Variants in GYPC observed in about 807,000 individuals in gnomAD.
The protein encoded by GYPC is glycophorin-C.
A neutral mutation model predicts 12.6 loss-of-function variants in GYPC; 14 were observed. The ratio of observed to expected loss-of-function variants is 1.11; its 90% CI spans 0.74 to 1.74. The LOEUF is 1.74. Among genes scored for constraint, GYPC ranks in the 40% most tolerant of loss-of-function variants. The probability of loss-of-function intolerance (pLI) is 0.00; values close to 1 mark genes in which losing one functional copy is unlikely to be tolerated. For synonymous variants in GYPC, 78 were observed against 62.1 expected, an observed-to-expected ratio of 1.26 and a Z score of -1.20; for missense variants, 225 against 172.1, an observed-to-expected ratio of 1.31 and a Z score of -1.72.
At chr2:126,695,506 A>C (rs1201212913) in intron 3 of GYPC, among the ~76,000 whole-genome samples, 1 of 152,210 alleles carries the variant, frequency 6.6e-6, no homozygotes, top group African/African-American at 2.4e-5. Context: ...TCCAGTGTAC[A>C]CGGTTCAACT....
At chr2:126,663,883 T>C (rs745808204) in intron 1 of GYPC, among the ~76,000 whole-genome samples, 3 of 151,980 alleles carry the variant, frequency 2.0e-5, no homozygotes, top group Non-Finnish European at 4.4e-5. Flanking sequence ...CTTTAGGCAG[T>C]CATTTCTCCT....
chr2:126,678,659 C>T (rs1573568163), intron 1 of GYPC: 1 of 152,648 alleles, frequency 6.6e-6, no homozygotes, highest in East Asian at 1.9e-4. Context: ...GCATCCTTCA[C>T]CACTGCATCT....
intron 1 of GYPC, among the ~76,000 whole-genome samples, chr2:126,677,017 C>G (rs1445872877): frequency 6.6e-6 from 1 of 152,206 alleles, no homozygotes; most frequent in Non-Finnish European, 1.5e-5. Context: ...GTACTCCCTG[C>G]CTGCCCCAGT....
chr2:126,688,123 T>C (rs111699832), intron 1 of GYPC, among the ~76,000 whole-genome samples: 115 of 152,342 alleles, frequency 7.5e-4, no homozygotes, highest in African/African-American at 2.6e-3. Flanking sequence ...ATACATTAAA[T>C]GTTGAGAGCA....
At chr2:126,673,539 C>T (rs1232584528) in intron 1 of GYPC, among the ~76,000 whole-genome samples, 1 of 152,090 alleles carries the variant, frequency 6.6e-6, no homozygotes, top group Non-Finnish European at 1.5e-5. Context: ...CCTGAGTGTT[C>T]CTAAATAAAT....
intron 1 of GYPC, among the ~76,000 whole-genome samples, chr2:126,671,306 C>T (rs1682847860): frequency 6.6e-6 from 1 of 152,220 alleles, no homozygotes; most frequent in Non-Finnish European, 1.5e-5. Flanking sequence ...CCTCACTGGG[C>T]AGGTGCCGGA....
chr2:126,693,219 G>T (rs949217117), intron 2 of GYPC, among the ~76,000 whole-genome samples: 1 of 152,240 alleles, frequency 6.6e-6, no homozygotes, highest in Admixed American at 6.5e-5. Context: ...GACTGGATTA[G>T]TCACTGGAGA....
At chr2:126,690,651 T>C (rs1002773919) in intron 2 of GYPC, among the ~76,000 whole-genome samples, 3 of 151,948 alleles carry the variant, frequency 2.0e-5, no homozygotes, top group African/African-American at 7.3e-5. Context: ...AGGTTGAGGG[T>C]GGAGGTGAGA....
intron 1 of GYPC, among the ~76,000 whole-genome samples, chr2:126,671,816 G>A (rs1682863366): frequency 6.6e-6 from 1 of 152,224 alleles, no homozygotes; most frequent in Non-Finnish European, 1.5e-5. Flanking sequence ...TACATCAGAT[G>A]GCACTAAGGG....
chr2:126,693,825 C>A lies in GYPC; in HGVS notation c.107-39C>A, dbSNP rs368196057. The A allele has an allele frequency of 1.4e-5, 19 of 1,381,554 alleles. No individual in the cohort carries two copies. The African/African-American group carries it at 2.6e-4, about 19-fold the overall frequency. 85.6% of individuals were successfully genotyped at this position (1,381,554 alleles called of 1,614,324 possible). On this transcript the variant is annotated intron_variant, in intron 2 of 3. Coordinates refer to ENST00000259254, the MANE Select transcript of GYPC (RefSeq NM_002101.5). ...CAAGGTGCTGCTAGGCATGGAGAAT[C>A]TTCCTCTCTGACCTCAGATTCTTGT...
intron 1 of GYPC, among the ~76,000 whole-genome samples, chr2:126,684,227 G>A (rs1212789684): frequency 6.6e-6 from 1 of 152,170 alleles, no homozygotes; most frequent in South Asian, 2.1e-4. Context: ...TTCTGAACAG[G>A]CTGGTCAAGT....
Position 126,690,262 on chromosome 2 carries a change from T to A in GYPC, c.57T>A (p.Asp19Glu). 1.9e-6 allele frequency: 3 copies of A among 1,612,476 alleles called. No homozygotes were observed. Among genetic ancestry groups the A allele is most frequent in the Non-Finnish European group, 2.5e-6 (3 of 1,178,486 alleles). ...CTTGTCCTCTGTTCACAGAGCCTGATCCGGGGATGGCCTCTGCCTCCACCA... is the reference window on the plus strand; with the variant it reads ...CTTGTCCTCTGTTCACAGAGCCTGAACCGGGGATGGCCTCTGCCTCCACCA... ...STAWPLSLEPDPGMASASTTM... is the reference protein window; with the variant it reads ...STAWPLSLEPEPGMASASTTM... The change falls in exon 2 of 4, where the codon GAT becomes GAA. Residue 19 changes from aspartate to glutamate, a missense_variant. Coordinates refer to ENST00000259254, the MANE Select transcript of GYPC (RefSeq NM_002101.5).
chr2:126,683,249 G>C (rs1333501168), intron 1 of GYPC, among the ~76,000 whole-genome samples: 1 of 152,128 alleles, frequency 6.6e-6, no homozygotes, highest in Non-Finnish European at 1.5e-5. Flanking sequence ...GAACCTGGGG[G>C]GCAGAGGTTG....
intron 1 of GYPC, among the ~76,000 whole-genome samples, chr2:126,689,084 C>A (rs1331410430): frequency 1.3e-5 from 2 of 152,196 alleles, no homozygotes; most frequent in East Asian, 3.9e-4. Context: ...TTGGCCAGGC[C>A]ATTAAGCTGT....
At chr2:126,670,429 C>A (rs1682816874) in intron 1 of GYPC, among the ~76,000 whole-genome samples, 1 of 152,242 alleles carries the variant, frequency 6.6e-6, no homozygotes, top group South Asian at 2.1e-4. Context: ...CTGCCATGAG[C>A]CAGTGAGGGT....
In GYPC at chr2:126,656,229, G is replaced by C; in HGVS notation, c.-35G>C. On this transcript the variant is annotated 5_prime_UTR_variant, in exon 1 of 4. Transcript: ENST00000259254. ...GGCCCGGCCTGGCCCGGCCTGGCCA[G>C]TCCCCGCGGTCTCTGCCCGGGCTGA... The C allele has an allele frequency of 6.3e-7, 1 of 1,587,204 alleles. No individual in the cohort carries two copies. The highest frequency in any genetic ancestry group is 8.6e-7 in the Non-Finnish European group (1 of 1,169,580).
At chr2:126,688,630 T>A (rs747415647) in intron 1 of GYPC, among the ~76,000 whole-genome samples, 2 of 152,158 alleles carry the variant, frequency 1.3e-5, no homozygotes, top group Non-Finnish European at 2.9e-5. Flanking sequence ...TCACTGGGTC[T>A]CTTGGCGGCC....
rs1296466486 is a variant in GYPC at position 126,696,491 on chromosome 2, G to C, written c.*349G>C. The stretch of plus-strand genomic sequence containing the variant: ...TTGTTGAGGGTGAGGGGGTGCTGGG[G>C]TACCCGGGGGCTGGGGAAGCAAGGA... On this transcript the variant is annotated 3_prime_UTR_variant, in exon 4 of 4. Transcript: ENST00000259254. The C allele has an allele frequency of 1.1e-5, 4 of 362,892 alleles. No individual in the cohort carries two copies. The highest frequency in any genetic ancestry group is 4.2e-5 in the African/African-American group (2 of 47,536). 22.5% of individuals were successfully genotyped at this position (362,892 alleles called of 1,614,324 possible).
At position 126,665,807 on chromosome 2, in the gene GYPC, A is replaced by T. The variant is rs1682663365; in HGVS notation, c.49+9495A>T. ...CTTTAATGCTGAAGGCATCACACAG[A>T]TGCAGATATTATTAATTCCAGTTTA... is the stretch of plus-strand genomic sequence containing the variant. On this transcript the variant is annotated intron_variant, in intron 1 of 3. Transcript: ENST00000259254. Among the ~76,000 whole-genome samples, 4 of 152,348 alleles carry T rather than the reference A, an allele frequency of 2.6e-5. No homozygotes were observed. The South Asian group carries it at 8.3e-4, about 32-fold the overall frequency.
Sources: allele counts gnomAD v4.1 joint callset (sites outside exome capture counted in the v4.1 genomes callset), GRCh38; gene constraint gnomAD v4.1.1; transcripts MANE v1.5; gene names NCBI Gene and HGNC (gene_info 2026-07-23, HGNC 2026-07-21).